Variants in INPP4B observed in about 807,000 individuals in gnomAD.
INPP4B encodes the protein inositol polyphosphate-4-phosphatase type II B.
INPP4B carries 55 observed loss-of-function variants against 122.5 expected under a neutral mutation model. The observed-to-expected ratio is 0.45, with a 90% CI of 0.36 to 0.56. INPP4B has a LOEUF of 0.56. INPP4B is among the 20% of genes least tolerant of loss of function. The pLI, the probability that INPP4B is intolerant of heterozygous loss-of-function variation, is 0.00. For synonymous variants in INPP4B, 403 were observed against 388.7 expected, an observed-to-expected ratio of 1.04 and a Z score of -0.43; for missense variants, 1,000 against 1,097.7, an observed-to-expected ratio of 0.91 and a Z score of 1.26.
chr4:142,289,724 TG>T (rs1306787356), intron 9 of INPP4B, among the ~76,000 whole-genome samples: 1 of 152,230 alleles, frequency 6.6e-6, no homozygotes, highest in Non-Finnish European at 1.5e-5. Flanking sequence ...TTCCTTTTTA[TG>T]GCTGTATAGT....
At chr4:142,598,297 G>A (rs577876973) in intron 2 of INPP4B, among the ~76,000 whole-genome samples, 1 of 152,262 alleles carries the variant, frequency 6.6e-6, no homozygotes. Flanking sequence ...ATAAACCCCT[G>A]ACACTACTGT....
At position 142,720,793 on chromosome 4, in the gene INPP4B, C is replaced by CTA. The variant is rs1253977495; in HGVS notation, c.-191+5045_-191+5046insTA. On this transcript the variant is annotated intron_variant, in intron 2 of 25. Coordinates refer to ENST00000262992, the MANE Select transcript of INPP4B (RefSeq NM_001101669.3). Reference sequence around the variant, plus strand: ...TCTCTCTCTCTCTCTCTCTCTCTCTCTCTCTCTCTCTCTCTCTATATATAT... The same window carrying CTA: ...TCTCTCTCTCTCTCTCTCTCTCTCTCTATCTCTCTCTCTCTCTCTATATATAT... 1.2e-3 allele frequency among the ~76,000 whole-genome samples: 45 copies of CTA among 37,352 alleles called. 4 individuals carry two copies. The highest frequency in any genetic ancestry group is 2.9e-3 in the South Asian group (3 of 1,046). 24.5% of individuals were successfully genotyped at this position (37,352 alleles called of 152,430 possible).
In INPP4B at chr4:142,559,472, G is replaced by A. The variant is rs142485269; in HGVS notation, c.-190-96746C>T. ...ATTTAAAAAATGAGAGGCAAAATGG[G>A]GCACTTACCTCTCATTTTTACATGT... On this transcript the variant is annotated intron_variant, in intron 2 of 25. Transcript: ENST00000262992. Among the ~76,000 whole-genome samples, 392 of 151,992 alleles carry A rather than the reference G, an allele frequency of 2.6e-3. 1 individual carries two copies. The highest frequency in any genetic ancestry group is 0.02 in the Middle Eastern group (6 of 294).
At chr4:142,780,864 C>A (rs1425113128) in intron 1 of INPP4B, among the ~76,000 whole-genome samples, 1 of 152,084 alleles carries the variant, frequency 6.6e-6, no homozygotes, top group Non-Finnish European at 1.5e-5. Flanking sequence ...TGAATCCGAT[C>A]TTAATATACT....
At chr4:142,167,769 TA>T (rs1380479075) in intron 16 of INPP4B, among the ~76,000 whole-genome samples, 1 of 151,656 alleles carries the variant, frequency 6.6e-6, no homozygotes, top group Non-Finnish European at 1.5e-5. Context: ...TTTGAATTAA[TA>T]AAAAAATCTA....
chr4:142,129,597 G>A (rs1800275737), intron 18 of INPP4B, among the ~76,000 whole-genome samples: 2 of 152,094 alleles, frequency 1.3e-5, no homozygotes, highest in Non-Finnish European at 2.9e-5. Flanking sequence ...GGGGCACAGG[G>A]CCTAGAAACT....
intron 15 of INPP4B, among the ~76,000 whole-genome samples, chr4:142,181,948 C>G (rs1198495590): frequency 6.6e-6 from 1 of 152,178 alleles, no homozygotes; most frequent in East Asian, 1.9e-4. Flanking sequence ...ATTATATTCT[C>G]TTAAAGACCC....
chr4:142,829,247 T>C (rs1358071703), intron 1 of INPP4B, among the ~76,000 whole-genome samples: 1 of 150,962 alleles, frequency 6.6e-6, no homozygotes, highest in African/African-American at 2.4e-5. Flanking sequence ...ACCATGCTCT[T>C]TGCCATCAGA....
intron 5 of INPP4B, among the ~76,000 whole-genome samples, chr4:142,413,699 A>G (rs1042472226): frequency 1.3e-5 from 2 of 152,192 alleles, no homozygotes; most frequent in African/African-American, 4.8e-5. Flanking sequence ...TCATAGTTCC[A>G]TTAGTTCCAC....
At chr4:142,525,050 C>A (rs766960187) in intron 2 of INPP4B, among the ~76,000 whole-genome samples, 9,516 of 150,948 alleles carry the variant, frequency 0.063, 350 homozygotes, top group African/African-American at 0.095. Context: ...TCTCAGGATA[C>A]AAAATCAATG....
At chr4:142,333,513 A>C (rs933658541) in intron 7 of INPP4B, among the ~76,000 whole-genome samples, 1 of 152,208 alleles carries the variant, frequency 6.6e-6, no homozygotes, top group African/African-American at 2.4e-5. Flanking sequence ...TTGTTACAAT[A>C]TATTACCTAT....
At chr4:142,112,892 CCTCA>C (rs1445495652) in intron 21 of INPP4B, among the ~76,000 whole-genome samples, 4 of 152,092 alleles carry the variant, frequency 2.6e-5, no homozygotes, top group African/African-American at 7.2e-5. Flanking sequence ...GATTTCTCTA[CCTCA>C]CTCTGAATTC....
chr4:142,702,062 G>A (rs1259348494), intron 2 of INPP4B, among the ~76,000 whole-genome samples: 1 of 152,104 alleles, frequency 6.6e-6, no homozygotes, highest in Non-Finnish European at 1.5e-5. Flanking sequence ...CCTAAGTTAG[G>A]AGCCTGAGCA....
intron 2 of INPP4B, among the ~76,000 whole-genome samples, chr4:142,661,727 T>C (rs1755205456): frequency 6.6e-6 from 1 of 152,198 alleles, no homozygotes; most frequent in Non-Finnish European, 1.5e-5. Context: ...TATAGTGCAC[T>C]ACAGCTACTA....
chr4:142,221,389 CAAAAAAAAAAAAAAA>C (rs570703001), intron 12 of INPP4B, among the ~76,000 whole-genome samples: 2 of 28,556 alleles, frequency 7.0e-5, no homozygotes, highest in Non-Finnish European at 1.2e-4. Flanking sequence ...GACTCCTTCT[CAAAAAAAAAAAAAAA>C]AAAAAAAAAA....
chr4:142,121,897 G>T (rs956386786), intron 21 of INPP4B, among the ~76,000 whole-genome samples: 3 of 152,048 alleles, frequency 2.0e-5, no homozygotes, highest in African/African-American at 7.2e-5. Context: ...TTTTGTGGGA[G>T]AGTACTGCCA....
intron 7 of INPP4B, among the ~76,000 whole-genome samples, chr4:142,354,210 C>T (rs1443775046): frequency 6.6e-6 from 1 of 151,936 alleles, no homozygotes; most frequent in Non-Finnish European, 1.5e-5. Context: ...TCTTGTGCCA[C>T]GAACCTTCTC....
chr4:142,634,003 C>A (rs994343707), intron 2 of INPP4B, among the ~76,000 whole-genome samples: 1 of 151,114 alleles, frequency 6.6e-6, no homozygotes, highest in Non-Finnish European at 1.5e-5. Context: ...TCCAGCCTGA[C>A]CAACAGAGTA....
rs1314070620 is a variant in INPP4B, at chr4:142,760,235, A to G, written c.-253-34334T>C. On this transcript the variant is annotated intron_variant, in intron 1 of 25. Coordinates refer to ENST00000262992, the MANE Select transcript of INPP4B (RefSeq NM_001101669.3). ...TTTTCTGAACAAATAAATCTGGAAAATGCTATTCTTATGCCATCATATTTA... is the reference window on the plus strand; with the variant it reads ...TTTTCTGAACAAATAAATCTGGAAAGTGCTATTCTTATGCCATCATATTTA... Among the ~76,000 whole-genome samples the G allele has an allele frequency of 2.0e-5, 3 of 152,240 alleles. No individual in the cohort carries two copies. In the East Asian group the frequency reaches 5.8e-4, roughly 29 times the overall value.
Sources: allele counts gnomAD v4.1 joint callset (sites outside exome capture counted in the v4.1 genomes callset), GRCh38; gene constraint gnomAD v4.1.1; transcripts MANE v1.5; gene names NCBI Gene and HGNC (gene_info 2026-07-23, HGNC 2026-07-21).